DTNB: variants seen among roughly 807,000 people sequenced by gnomAD.
The protein encoded by DTNB is dystrobrevin beta.
In DTNB, 63 loss-of-function variants were observed where a neutral mutation model predicts 90.7. That is an observed-to-expected ratio of 0.69 (90% CI 0.57 to 0.86). The LOEUF (loss-of-function observed/expected upper bound fraction) is 0.86. Ranked by LOEUF, DTNB falls within the 40% of genes least tolerant of loss-of-function variation. The pLI, the probability that DTNB is intolerant of heterozygous loss-of-function variation, is 0.00. For synonymous variants in DTNB, 277 were observed against 286.7 expected (o/e 0.97, Z 0.34); for missense variants, 744 against 807.1 (o/e 0.92, Z 0.95).
intron 2 of DTNB, among the ~76,000 whole-genome samples, chr2:25,639,879 G>T (rs1559350236): frequency 6.6e-6 from 1 of 152,214 alleles, no homozygotes; most frequent in South Asian, 2.1e-4. Context: ...AGACTGATGT[G>T]GAGAGGCCAC....
chr2:25,643,134 C>T (rs2078705581), intron 2 of DTNB, among the ~76,000 whole-genome samples: 1 of 152,112 alleles, frequency 6.6e-6, no homozygotes, highest in Admixed American at 6.5e-5. Context: ...ATGGCTCAGG[C>T]ACACTCTTCA....
intron 15 of DTNB, among the ~76,000 whole-genome samples, chr2:25,422,084 C>T (rs1310801855): frequency 6.6e-6 from 1 of 152,176 alleles, no homozygotes; most frequent in Admixed American, 6.5e-5. Context: ...GGTCTGAGAA[C>T]CTCTGTGTTA....
At chr2:25,382,240 CTCTA>C (rs1395923215) in intron 19 of DTNB, among the ~76,000 whole-genome samples, 2 of 152,230 alleles carry the variant, frequency 1.3e-5, no homozygotes, top group Non-Finnish European at 2.9e-5. Flanking sequence ...ATAAGGTACT[CTCTA>C]TCTCATCACC....
chr2:25,594,555 T>C (rs1478908118), intron 6 of DTNB, among the ~76,000 whole-genome samples: 1 of 152,250 alleles, frequency 6.6e-6, no homozygotes, highest in African/African-American at 2.4e-5. Context: ...AGGGGCCATG[T>C]GTGCATGTGT....
chr2:25,552,841 A>ATTTTTTTTTT (rs544243784), intron 8 of DTNB, among the ~76,000 whole-genome samples: 4 of 86,034 alleles, frequency 4.6e-5, no homozygotes, highest in Non-Finnish European at 4.6e-5. Context: ...TCTCTTTTTG[A>ATTTTTTTTTT]TTTTTTTTTT....
chr2:25,393,351 T>C (rs1486436786), intron 16 of DTNB, among the ~76,000 whole-genome samples: 1 of 152,198 alleles, frequency 6.6e-6, no homozygotes, highest in South Asian at 2.1e-4. Context: ...TCACCACTTC[T>C]ATTCAACATA....
chr2:25,417,016 T>C (rs1182963462), intron 16 of DTNB, among the ~76,000 whole-genome samples: 1 of 152,186 alleles, frequency 6.6e-6, no homozygotes, highest in African/African-American at 2.4e-5. Flanking sequence ...CAGTCCAAAT[T>C]TGAGCCTCAG....
At chr2:25,389,114 C>T (rs2040379792) in intron 16 of DTNB, among the ~76,000 whole-genome samples, 1 of 152,198 alleles carries the variant, frequency 6.6e-6, no homozygotes. Context: ...TCCCAAAGTG[C>T]TAGGATTACA....
chr2:25,562,645 C>T (rs542623130), intron 8 of DTNB, among the ~76,000 whole-genome samples: 81 of 152,320 alleles, frequency 5.3e-4, no homozygotes, highest in Non-Finnish European at 9.8e-4. Flanking sequence ...TAGCACCTCA[C>T]TGTGTTTTTG....
intron 16 of DTNB, among the ~76,000 whole-genome samples, chr2:25,397,337 C>CAAAAAA (rs749225408): frequency 1.6e-5 from 1 of 63,408 alleles, no homozygotes; most frequent in African/African-American, 5.4e-5. Flanking sequence ...GACTCTGTCT[C>CAAAAAA]AAAAAAAAAA....
chr2:25,583,923 C>T (rs976186306), intron 6 of DTNB, among the ~76,000 whole-genome samples: 2 of 152,036 alleles, frequency 1.3e-5, no homozygotes, highest in Non-Finnish European at 2.9e-5. Context: ...CAAAAATTGT[C>T]CTAAAGTCAC....
chr2:25,447,902 C>A (rs143429154), intron 12 of DTNB, among the ~76,000 whole-genome samples: 2 of 151,922 alleles, frequency 1.3e-5, no homozygotes, highest in Admixed American at 1.3e-4. Context: ...TCACTTTGCA[C>A]GTAACCGAGG....
chr2:25,405,238 C>A (rs2044792146), intron 16 of DTNB, among the ~76,000 whole-genome samples: 3 of 152,134 alleles, frequency 2.0e-5, no homozygotes, highest in South Asian at 4.1e-4. Context: ...CGACTAACCA[C>A]CATTAAAAAT....
At position 25,456,589 on chromosome 2, in the gene DTNB, T is replaced by C. The variant is rs574411236; in HGVS notation, c.1080-1095A>G. On this transcript the variant is annotated intron_variant, in intron 10 of 20. Transcript: ENST00000406818. ...TTTTTGTTTTTGTTTTTTTGTTTTTTTGAGACAGAGTCTCGCTTTGTCTCC... is the reference window on the plus strand; with the variant it reads ...TTTTTGTTTTTGTTTTTTTGTTTTTCTGAGACAGAGTCTCGCTTTGTCTCC... 4.6e-5 allele frequency among the ~76,000 whole-genome samples: 7 copies of C among 152,324 alleles called. No homozygotes were observed. In the East Asian group the frequency reaches 1.3e-3, roughly 29 times the overall value.
chr2:25,388,890 C>T (rs2040312818), intron 16 of DTNB, among the ~76,000 whole-genome samples: 1 of 151,708 alleles, frequency 6.6e-6, no homozygotes. Context: ...CTTTGTTGCC[C>T]AGGTGGAGTG....
intron 9 of DTNB, among the ~76,000 whole-genome samples, chr2:25,505,880 C>T (rs1464340159): frequency 6.6e-6 from 1 of 152,202 alleles, no homozygotes; most frequent in African/African-American, 2.4e-5. Context: ...AGGACATCAT[C>T]TTTACTTCTA....
chr2:25,622,311 C>T (rs569332776), intron 4 of DTNB, among the ~76,000 whole-genome samples: 1 of 152,214 alleles, frequency 6.6e-6, no homozygotes, highest in Admixed American at 6.5e-5. Context: ...TGGCAAAACC[C>T]CGTCTCTACT....
intron 8 of DTNB, among the ~76,000 whole-genome samples, chr2:25,536,467 C>T (rs991324289): frequency 3.3e-5 from 5 of 152,068 alleles, no homozygotes; most frequent in African/African-American, 9.7e-5. Context: ...CTCGGGAGGC[C>T]GAGGCGGGCA....
At chr2:25,521,761 T>C (rs1280161393) in intron 9 of DTNB, among the ~76,000 whole-genome samples, 2 of 152,222 alleles carry the variant, frequency 1.3e-5, no homozygotes, top group Non-Finnish European at 2.9e-5. Context: ...TTATTTCTCT[T>C]CAAACATTTA....
Sources: gnomAD v4.1 joint callset for allele counts (sites outside exome capture counted in the v4.1 genomes callset) on GRCh38, gnomAD v4.1.1 for gene constraint, MANE v1.5 for transcripts, NCBI Gene and HGNC (gene_info 2026-07-23, HGNC 2026-07-21) for gene names.